RGS12: variants seen among roughly 807,000 people sequenced by gnomAD.
RGS12 encodes the protein regulator of G protein signaling 12.
Under a neutral mutation model 120.1 loss-of-function variants are expected in RGS12, and 66 were observed. That is an observed-to-expected ratio of 0.55 (90% confidence interval 0.45 to 0.67). RGS12 has a LOEUF of 0.67. Among genes scored for constraint, RGS12 ranks in the 30% least tolerant of loss-of-function variants. RGS12 has a pLI of 0.00. For missense variants in RGS12, 1,859 were observed against 1,957.7 expected (o/e 0.95, Z 0.95); for synonymous variants, 827 against 804.7 (o/e 1.03, Z -0.47).
upstream of RGS12, among the ~76,000 whole-genome samples, chr4:3,288,957 G>C (rs1295707722): frequency 6.6e-6 from 1 of 152,032 alleles, no homozygotes; most frequent in African/African-American, 2.4e-5. This position sits in a 1 kb window ranked among gnomAD's most constrained non-coding sequence, Gnocchi z 5.2. Flanking sequence ...ACTCCAGCCT[G>C]GCTGCCCACT....
rs929023135 is a variant in RGS12 at position 3,366,952 on chromosome 4, C to T, written c.1999-19464C>T. Among the ~76,000 whole-genome samples, 5 of 152,196 alleles carry T rather than the reference C, an allele frequency of 3.3e-5. No homozygotes were observed. The highest frequency in any genetic ancestry group is 4.8e-5 in the African/African-American group (2 of 41,464). ...GCCCACGTGGGTCCTCACCTCTGCC[C>T]GGCTCAGCTCCTCCCCGCCCAGAAT... On this transcript the variant is annotated intron_variant, in intron 3 of 17. Transcript: ENST00000336727. The surrounding 1 kb of genome is among the most constrained non-coding windows in gnomAD (Gnocchi z 4.0).
chr4:3,310,274 CCG>C (rs1214359708), intron 1 of RGS12, among the ~76,000 whole-genome samples: 2,019 of 137,210 alleles, frequency 0.015, 80 homozygotes, highest in African/African-American at 0.049. Flanking sequence ...CTGAGGGGAA[CCG>C]TGTCGGGGAG....
intron 3 of RGS12, among the ~76,000 whole-genome samples, chr4:3,361,988 G>T (rs1037778270): frequency 4.6e-5 from 7 of 152,208 alleles, no homozygotes; most frequent in African/African-American, 1.7e-4. Flanking sequence ...AGTCAGTGTT[G>T]GGAGCCAGGA....
At chr4:3,297,537 G>A (rs114077052) in intron 1 of RGS12, among the ~76,000 whole-genome samples, 52 of 152,252 alleles carry the variant, frequency 3.4e-4, no homozygotes, top group African/African-American at 1.1e-3. Flanking sequence ...TGGTGAAATC[G>A]ACAGTCCTTG....
chr4:3,361,211 T>C (rs533806837), intron 3 of RGS12, among the ~76,000 whole-genome samples: 64 of 152,272 alleles, frequency 4.2e-4, no homozygotes, highest in African/African-American at 1.4e-3. Context: ...CAGGCAAGAC[T>C]GTTGAAAACC....
At chr4:3,356,081 T>G (rs1400011536) in intron 3 of RGS12, among the ~76,000 whole-genome samples, 1 of 149,632 alleles carries the variant, frequency 6.7e-6, no homozygotes, top group Admixed American at 6.7e-5. Context: ...TGAGATAGCT[T>G]CTTGCTCTGT....
intron 3 of RGS12, among the ~76,000 whole-genome samples, chr4:3,362,850 AGG>A (rs1253009283): frequency 7.7e-6 from 1 of 130,346 alleles, no homozygotes; most frequent in Non-Finnish European, 1.6e-5. Context: ...ACTGAGTGTG[AGG>A]GTGTGTGTGT....
At chr4:3,379,005 A>ATGTGTG (rs3138719) in intron 3 of RGS12, among the ~76,000 whole-genome samples, 1,673 of 146,542 alleles carry the variant, frequency 0.011, 13 homozygotes, top group African/African-American at 0.022. Context: ...GAAATGTGCG[A>ATGTGTG]TGTGTGTGTG....
rs1288611991 is a variant in RGS12, at chr4:3,439,700, C to G, written c.*16C>G. 5.4e-6 allele frequency: 8 copies of G among 1,484,986 alleles called. No individual in the cohort carries two copies. Among genetic ancestry groups the G allele is most frequent in the Non-Finnish European group, 7.2e-6 (8 of 1,115,346 alleles). 92.0% of individuals were successfully genotyped at this position (1,484,986 alleles called of 1,614,324 possible). On this transcript the variant is annotated 3_prime_UTR_variant, in exon 18 of 18. Transcript: ENST00000336727. Reference sequence around the variant, plus strand: ...CTTCGTCTGAGCTGCCCTGGCCTGGCCAACTCTCCTGTGGACATGTCGGGG... The same window carrying G: ...CTTCGTCTGAGCTGCCCTGGCCTGGGCAACTCTCCTGTGGACATGTCGGGG...
At chr4:3,434,488 C>T (rs1376073194) in intron 17 of RGS12, among the ~76,000 whole-genome samples, 1 of 152,094 alleles carries the variant, frequency 6.6e-6, no homozygotes, top group African/African-American at 2.4e-5. Flanking sequence ...CTGCATGGCA[C>T]GTTTTGTGCA....
chr4:3,371,512 A>G (rs896420017), intron 3 of RGS12, among the ~76,000 whole-genome samples: 5 of 152,148 alleles, frequency 3.3e-5, no homozygotes, highest in African/African-American at 9.7e-5. Context: ...TGCCTTTGTA[A>G]GTATCTGTTT....
Position 3,417,490 on chromosome 4 carries a change from A to G in RGS12, c.2710A>G (p.Arg904Gly), listed in dbSNP as rs1722538373. ...CGCGTTTTTCTCGTGGTCGCGGACC[A>G]GGAGCACCGGGAGGTCCCAGAAAAA... ...KGAFFSWSRT[R>G]STGRSQKKRE... The change falls in exon 9 of 18, where the codon AGG (arginine) becomes GGG (glycine). Residue 904 changes from arginine to glycine, a missense_variant. By Grantham distance (125) the Arg-to-Gly change is moderately radical (BLOSUM62 -2). Coordinates refer to ENST00000336727, the MANE Select transcript of RGS12 (RefSeq NM_001394154.1). 1.9e-6 allele frequency: 3 copies of G among 1,613,330 alleles called. No individual in the cohort carries two copies. Among genetic ancestry groups the G allele is most frequent in the Non-Finnish European group, 2.5e-6 (3 of 1,179,942 alleles).
At chr4:3,427,417 T>C (rs543278619) in intron 14 of RGS12, among the ~76,000 whole-genome samples, 9 of 152,332 alleles carry the variant, frequency 5.9e-5, no homozygotes, top group African/African-American at 2.2e-4. Context: ...CCTGTGGCCC[T>C]GGCATGGGGC....
upstream of RGS12, among the ~76,000 whole-genome samples, chr4:3,291,138 AG>A (rs1722998256): frequency 6.6e-6 from 1 of 152,192 alleles, no homozygotes; most frequent in Non-Finnish European, 1.5e-5. Context: ...AAAAAGCCAA[AG>A]GGAAAGAAGA....
At position 3,422,561 on chromosome 4, in the gene RGS12, C is replaced by T. The variant is rs1460363039; in HGVS notation, c.3024C>T (p.Gly1008=). 1.2e-6 allele frequency: 2 copies of T among 1,611,756 alleles called. No homozygotes were observed. Among genetic ancestry groups the T allele is most frequent in the Non-Finnish European group, 1.7e-6 (2 of 1,179,790 alleles). Residue 1008 remains glycine (G), a synonymous_variant, in exon 11 of 18, where the codon GGC becomes GGT. Transcript: ENST00000336727. The part of the protein sequence containing the change: ...NGAAADLFLV[G]GDKPLVLHQD... ...CGGCCGCGGACCTCTTCCTGGTGGG[C>T]GGGGACAAGGTACTGGGCCCGCCTG...
At chr4:3,415,606 G>A (rs994059988) in intron 6 of RGS12, among the ~76,000 whole-genome samples, 1 of 152,198 alleles carries the variant, frequency 6.6e-6, no homozygotes, top group Non-Finnish European at 1.5e-5. Context: ...GTTGGCCTGT[G>A]GCCTGGCTTC....
At chr4:3,415,904 G>C in intron 6 of RGS12, 74 bp from the exon 7 acceptor site, 1 of 1,499,074 alleles carries the variant, frequency 6.7e-7, no homozygotes, top group South Asian at 1.3e-5. Flanking sequence ...GCCCGGGGGT[G>C]TCGGGCCTTG....
intron 3 of RGS12, among the ~76,000 whole-genome samples, chr4:3,355,643 A>C (rs569601283): frequency 1.3e-4 from 20 of 152,046 alleles, no homozygotes; most frequent in African/African-American, 4.3e-4. Context: ...AAAAATACAA[A>C]AGTTAGCCGG....
chr4:3,413,744 T>G, intron 4 of RGS12: 1 of 262,184 alleles, frequency 3.8e-6, no homozygotes. Flanking sequence ...CTGTAGTTTG[T>G]TGTTGCTTGG....
Sources: gnomAD v4.1 joint callset for allele counts (sites outside exome capture counted in the v4.1 genomes callset) on GRCh38, gnomAD v4.1.1 for gene constraint, Gnocchi (gnomAD v3.1) non-coding constraint, MANE v1.5 for transcripts, NCBI Gene and HGNC (gene_info 2026-07-23, HGNC 2026-07-21) for gene names.